Variants in NPS observed in about 807,000 individuals in gnomAD.
The protein encoded by NPS is prepro-neuropeptide S.
A neutral mutation model predicts 7.2 loss-of-function variants in NPS; 6 were observed. The ratio of observed to expected loss-of-function variants is 0.83; its 90% confidence interval spans 0.46 to 1.64. The LOEUF is 1.64. Ranked by LOEUF, NPS falls within the 40% of genes most tolerant of loss-of-function variation. The pLI is 0.01. For synonymous variants in NPS, 42 were observed against 36.7 expected (o/e 1.14, Z -0.52); for missense variants, 123 against 97.8 (o/e 1.26, Z -1.09).
Position 127,552,913 on chromosome 10 carries a change from T to A in NPS, c.*274T>A, listed in dbSNP as rs889683318. Among the ~76,000 whole-genome samples, 8 of 152,236 alleles carry A rather than the reference T, an allele frequency of 5.3e-5. No individual in the cohort carries two copies. The highest frequency in any genetic ancestry group is 3.3e-4 in the Admixed American group (5 of 15,278). On this transcript the variant is annotated 3_prime_UTR_variant, in exon 3 of 3. Transcript: ENST00000398023. ...ATGGGATGGACACTTTTGCTTTGCT[T>A]TTAACTTGGCCAGAAAGCATGAGCA...
At position 127,553,257 on chromosome 10, in the gene NPS, T is replaced by C. The variant is rs1445624064; in HGVS notation, c.*618T>C. ...TTAGCTATAGGGTGTTGTTTTGTTG[T>C]CTTGTCTTGGAAATTTGTTGCCTTT... On this transcript the variant is annotated 3_prime_UTR_variant, in exon 3 of 3. Coordinates refer to ENST00000398023, the MANE Select transcript of NPS (RefSeq NM_001030013.2). 1.3e-5 allele frequency among the ~76,000 whole-genome samples: 2 copies of C among 152,172 alleles called. No individual in the cohort carries two copies. The highest frequency in any genetic ancestry group is 2.9e-5 in the Non-Finnish European group (2 of 68,046).
At chr10:127,551,256 GAA>G (rs71032569) in intron 2 of NPS, among the ~76,000 whole-genome samples, 1 of 151,592 alleles carries the variant, frequency 6.6e-6, no homozygotes. Flanking sequence ...AAAAAGGGGG[GAA>G]AAAGCCCATT....
chr10:127,550,722 C>T (rs1023634159), intron 2 of NPS, among the ~76,000 whole-genome samples: 8 of 152,180 alleles, frequency 5.3e-5, no homozygotes, highest in Non-Finnish European at 1.0e-4. Context: ...TATTTTTGCA[C>T]GTGACAGTTT....
At chr10:127,550,919 AG>A (rs1238367796) in intron 2 of NPS, among the ~76,000 whole-genome samples, 3 of 152,196 alleles carry the variant, frequency 2.0e-5, no homozygotes, top group Non-Finnish European at 4.4e-5. Flanking sequence ...TGCCCTGGCA[AG>A]GGCTGCCTTC....
Position 127,549,530 on chromosome 10 carries a change from C to A in NPS, c.50C>A (p.Thr17Lys). Residue 17 changes from threonine (T) to lysine (K), a missense_variant, in exon 2 of 3, where the codon ACA becomes AAA. By Grantham distance (78) the Thr-to-Lys change is moderately conservative (BLOSUM62 -1). Coordinates refer to ENST00000398023, the MANE Select transcript of NPS (RefSeq NM_001030013.2). ...LNLILVLSLS[T>K]MHVFWCYPVP... Reference sequence around the variant, plus strand: ...CTCATCCTAGTTCTGTCGCTGTCCACAATGCATGTGTTTTGGTGTTATCCA... The same window carrying A: ...CTCATCCTAGTTCTGTCGCTGTCCAAAATGCATGTGTTTTGGTGTTATCCA... 1 of 1,612,194 alleles carries A rather than the reference C, an allele frequency of 6.2e-7. No homozygotes were observed. The highest frequency in any genetic ancestry group is 8.5e-7 in the Non-Finnish European group (1 of 1,178,272).
At chr10:127,550,413 CT>C (rs1019886715) in intron 2 of NPS, among the ~76,000 whole-genome samples, 4 of 151,794 alleles carry the variant, frequency 2.6e-5, no homozygotes, top group Admixed American at 6.6e-5. Context: ...AATATAGCTT[CT>C]TTTTTTTGGT....
At chr10:127,552,317 A>G in intron 2 of NPS, 143 bp from the exon 3 acceptor site, 1 of 636,078 alleles carries the variant, frequency 1.6e-6, no homozygotes, top group Non-Finnish European at 2.8e-6. Context: ...TAAAGTAGAT[A>G]TTGTGTTTTA....
In NPS at chr10:127,552,478, T is replaced by G; in HGVS notation, c.109T>G (p.Tyr37Asp). The change falls in exon 3 of 3, where the codon TAC (tyrosine) becomes GAC (aspartate). Residue 37 changes from tyrosine to aspartate, a missense_variant. Physicochemically the swap from Tyr to Asp is radical, Grantham distance 160 (BLOSUM62 -3). Coordinates refer to ENST00000398023, the MANE Select transcript of NPS (RefSeq NM_001030013.2). ...PSSKVSGKSD[Y>D]FLILLNSCPT... is the part of the protein sequence containing the mutation. Reference sequence around the variant, plus strand: ...TTGCCAGGTGTCTGGAAAATCTGATTACTTTCTCATTCTGCTGAACAGCTG... The same window carrying G: ...TTGCCAGGTGTCTGGAAAATCTGATGACTTTCTCATTCTGCTGAACAGCTG... 14 of 1,608,754 alleles carry G rather than the reference T, an allele frequency of 8.7e-6. No homozygotes were observed. Among genetic ancestry groups the G allele is most frequent in the Non-Finnish European group, 1.2e-5 (14 of 1,175,804 alleles).
At chr10:127,549,609 A>G (rs368102346) in intron 2 of NPS, 39 bp downstream of exon 2, 346 of 1,101,480 alleles carry the variant, frequency 3.1e-4, no homozygotes, top group Non-Finnish European at 4.4e-4. Flanking sequence ...TAAATAGATG[A>G]CTAGAATGGT....
intron 2 of NPS, among the ~76,000 whole-genome samples, chr10:127,552,153 A>G (rs35729370): frequency 0.15 from 22,522 of 152,212 alleles, 1,868 homozygotes; most frequent in Middle Eastern, 0.21. Context: ...TCCCAGGGCT[A>G]ATTAGTGCTG....
In NPS at chr10:127,553,027, T is replaced by C. The variant is rs1844872984; in HGVS notation, c.*388T>C. Among the ~76,000 whole-genome samples, 2 of 152,154 alleles carry C rather than the reference T, an allele frequency of 1.3e-5. No homozygotes were observed. Among genetic ancestry groups the C allele is most frequent in the South Asian group, 4.2e-4 (2 of 4,816 alleles). ...CTGTGATATTTGTTTTTCTTTTTAA[T>C]ACCGTTTTCTCAAATGACTTAACAG... On this transcript the variant is annotated 3_prime_UTR_variant, in exon 3 of 3. Transcript: ENST00000398023.
intron 2 of NPS, among the ~76,000 whole-genome samples, chr10:127,551,650 C>A (rs1844860291): frequency 6.6e-6 from 1 of 152,112 alleles, no homozygotes; most frequent in Non-Finnish European, 1.5e-5. Context: ...ATGGGTAAAT[C>A]TGTGCTTTGC....
Position 127,552,650 on chromosome 10 carries a change from A to C in NPS, c.*11A>C. 6.3e-7 allele frequency: 1 copy of C among 1,592,688 alleles called. No homozygotes were observed. Among genetic ancestry groups the C allele is most frequent in the East Asian group, 2.2e-5 (1 of 44,770 alleles). On this transcript the variant is annotated 3_prime_UTR_variant, in exon 3 of 3. Transcript: ENST00000398023. ...AGAGCAAAATCATGACTAAGTGTGCAAAGGACTCGGGGAATTAATCTAACT... is the reference window on the plus strand; with the variant it reads ...AGAGCAAAATCATGACTAAGTGTGCCAAGGACTCGGGGAATTAATCTAACT...
chr10:127,552,602 G>A lies in NPS; in HGVS notation c.233G>A (p.Gly78Glu). ...TCCTTTCGCAATGGAGTTGGCACAGGGATGAAAAAAACTTCCTTTCAAAGA... is the reference window on the plus strand; with the variant it reads ...TCCTTTCGCAATGGAGTTGGCACAGAGATGAAAAAAACTTCCTTTCAAAGA... Reference protein sequence around the residue: ...KRSFRNGVGTGMKKTSFQRAK... With the variant: ...KRSFRNGVGTEMKKTSFQRAK... Residue 78 changes from glycine (G) to glutamate (E), a missense_variant, in exon 3 of 3, where the codon GGG (glycine) becomes GAG (glutamate). Physicochemically the swap from Gly to Glu is moderately conservative, Grantham distance 98. Transcript: ENST00000398023. 2.5e-6 allele frequency: 4 copies of A among 1,613,316 alleles called. No homozygotes were observed. The highest frequency in any genetic ancestry group is 3.4e-6 in the Non-Finnish European group (4 of 1,179,592).
intron 2 of NPS, 47 bp from the exon 3 acceptor site, chr10:127,552,413 A>T: frequency 9.5e-7 from 1 of 1,052,158 alleles, no homozygotes; most frequent in South Asian, 1.5e-5. Context: ...ATATACTTTT[A>T]ACCCTAAGGC....
intron 2 of NPS, among the ~76,000 whole-genome samples, chr10:127,550,891 T>G (rs1219537629): frequency 6.6e-6 from 1 of 152,224 alleles, no homozygotes; most frequent in Non-Finnish European, 1.5e-5. Flanking sequence ...ATATACAATC[T>G]TATTATGTTA....
At chr10:127,552,428 TTC>T (rs1441939907) in intron 2 of NPS, 30 bp from the exon 3 acceptor site, 1 of 1,346,996 alleles carries the variant, frequency 7.4e-7, no homozygotes, top group East Asian at 2.3e-5. Context: ...TAAGGCTGTA[TTC>T]TCTTTCTCCT....
chr10:127,550,846 TG>T (rs1269822038), intron 2 of NPS, among the ~76,000 whole-genome samples: 1 of 152,222 alleles, frequency 6.6e-6, no homozygotes, highest in African/African-American at 2.4e-5. Flanking sequence ...TTATAATATT[TG>T]TTGCGAACTT....
chr10:127,550,697 C>T lies in NPS; in HGVS notation c.90+1127C>T, dbSNP rs200739925. On this transcript the variant is annotated intron_variant, in intron 2 of 2. Coordinates refer to ENST00000398023, the MANE Select transcript of NPS (RefSeq NM_001030013.2). ...AAATGAAATGTTTCTCCTTTCACTGCATTTTCCTTATTTCTATTTTTGCAC... is the reference window on the plus strand; with the variant it reads ...AAATGAAATGTTTCTCCTTTCACTGTATTTTCCTTATTTCTATTTTTGCAC... Among the ~76,000 whole-genome samples, 23 of 152,282 alleles carry T rather than the reference C, an allele frequency of 1.5e-4. No homozygotes were observed. In the East Asian group the frequency reaches 4.3e-3, roughly 28 times the overall value.
Sources: gnomAD v4.1 joint callset for allele counts (sites outside exome capture counted in the v4.1 genomes callset) on GRCh38, gnomAD v4.1.1 for gene constraint, MANE v1.5 for transcripts, NCBI Gene and HGNC (gene_info 2026-07-23, HGNC 2026-07-21) for gene names.